CEMIP: variants seen among roughly 807,000 people sequenced by gnomAD.
The protein encoded by CEMIP is cell migration-inducing and hyaluronan-binding protein.
Under a neutral mutation model 156.9 loss-of-function variants are expected in CEMIP, and 105 were observed. The observed-to-expected ratio is 0.67, with a 90% CI of 0.57 to 0.79. CEMIP has a LOEUF of 0.79. CEMIP is among the 30% of genes least tolerant of loss of function. The pLI is 0.00. For missense variants in CEMIP, 1,457 were observed against 1,769.4 expected (o/e 0.82, Z 3.17); for synonymous variants, 676 against 668.4 (o/e 1.01, Z -0.17).
At chr15:80,822,419 A>G (rs1271877282) in intron 1 of CEMIP, among the ~76,000 whole-genome samples, 1 of 152,070 alleles carries the variant, frequency 6.6e-6, no homozygotes, top group Admixed American at 6.6e-5. Flanking sequence ...TTCCAACCCA[A>G]ATCCAGCCTG....
intron 28 of CEMIP, among the ~76,000 whole-genome samples, chr15:80,944,256 G>A (rs927645127): frequency 2.0e-5 from 3 of 152,102 alleles, no homozygotes; most frequent in African/African-American, 7.2e-5. Flanking sequence ...CTCCAGCCTG[G>A]GTGACACAGC....
chr15:80,792,179 C>T (rs1420025231), intron 1 of CEMIP, among the ~76,000 whole-genome samples: 1 of 152,176 alleles, frequency 6.6e-6, no homozygotes, highest in African/African-American at 2.4e-5. Flanking sequence ...TCAACAGAAA[C>T]ACATTAAATT....
intron 18 of CEMIP, 110 bp from the exon 19 acceptor site, chr15:80,925,514 T>C: frequency 6.8e-7 from 1 of 1,462,972 alleles, no homozygotes; most frequent in Non-Finnish European, 9.3e-7. Context: ...GTTCAGTCAA[T>C]GCCTTCCTGG....
chr15:80,805,785 G>A (rs1334546826), intron 1 of CEMIP, among the ~76,000 whole-genome samples: 1 of 152,158 alleles, frequency 6.6e-6, no homozygotes, highest in Non-Finnish European at 1.5e-5. Context: ...ATCTACCAAT[G>A]TTGGGCTTCA....
At chr15:80,780,251 A>T (rs1222450761) in intron 1 of CEMIP, among the ~76,000 whole-genome samples, 1 of 151,322 alleles carries the variant, frequency 6.6e-6, no homozygotes, top group Non-Finnish European at 1.5e-5. Context: ...TTAGACTGAG[A>T]CTCCAAACGT....
intron 5 of CEMIP, 60 bp downstream of exon 5, chr15:80,879,914 T>G: frequency 6.2e-7 from 1 of 1,602,608 alleles, no homozygotes; most frequent in Non-Finnish European, 8.5e-7. Flanking sequence ...AGGGAGACTT[T>G]CCAAGACAGA....
rs73497029 is a variant in CEMIP at position 80,801,262 on chromosome 15, C to T, written c.-176+21648C>T. Among the ~76,000 whole-genome samples, 614 of 152,324 alleles carry T rather than the reference C, an allele frequency of 4.0e-3. 3 individuals carry two copies. The highest frequency in any genetic ancestry group is 0.014 in the African/African-American group (584 of 41,566). On this transcript the variant is annotated intron_variant, in intron 1 of 29. Coordinates refer to ENST00000394685, the MANE Select transcript of CEMIP (RefSeq NM_001293298.2). ...GGTCAACCAGCTGGTTCTGCTGATC[C>T]GGACAGGCTTGGCTAATCTCAACTC... is the stretch of plus-strand genomic sequence containing the variant.
chr15:80,949,072 A>G lies in CEMIP; in HGVS notation c.*148A>G, dbSNP rs1901699333. 9.3e-6 allele frequency: 10 copies of G among 1,074,836 alleles called. No individual in the cohort carries two copies. The highest frequency in any genetic ancestry group is 1.3e-5 in the Non-Finnish European group (9 of 709,324). The allele number at this position is 1,074,836 out of a possible 1,614,324, so 66.6% of individuals were successfully genotyped here. On this transcript the variant is annotated 3_prime_UTR_variant, in exon 30 of 30. Coordinates refer to ENST00000394685, the MANE Select transcript of CEMIP (RefSeq NM_001293298.2). ...AGCCCTGATGGGCCAAGGGAAGGCT[A>G]TCAGAGACCCTGGTGCTGCCACCTG... is the stretch of plus-strand genomic sequence containing the variant.
chr15:80,855,881 T>C (rs1897842071), intron 1 of CEMIP, among the ~76,000 whole-genome samples: 1 of 152,242 alleles, frequency 6.6e-6, no homozygotes, highest in Non-Finnish European at 1.5e-5. Flanking sequence ...GCAGTCATAG[T>C]AAGGCAGTTG....
intron 14 of CEMIP, among the ~76,000 whole-genome samples, chr15:80,918,522 C>G (rs115295284): frequency 3.9e-5 from 6 of 152,096 alleles, no homozygotes; most frequent in African/African-American, 1.4e-4. Context: ...TCACACAGTG[C>G]CAGGGTGGTA....
intron 12 of CEMIP, among the ~76,000 whole-genome samples, chr15:80,900,346 C>T (rs959847051): frequency 6.6e-6 from 1 of 152,088 alleles, no homozygotes; most frequent in Admixed American, 6.5e-5. Flanking sequence ...CTCCAGGCCC[C>T]GAGTACCAAG....
chr15:80,824,197 G>A (rs1457633083), intron 1 of CEMIP, among the ~76,000 whole-genome samples: 2 of 152,200 alleles, frequency 1.3e-5, no homozygotes, highest in Non-Finnish European at 2.9e-5. Context: ...ACATCTGCCT[G>A]GAGTTTGAAA....
intron 1 of CEMIP, among the ~76,000 whole-genome samples, chr15:80,831,929 G>C (rs922857092): frequency 2.0e-5 from 3 of 152,232 alleles, no homozygotes; most frequent in African/African-American, 7.2e-5. Flanking sequence ...AGCTGCAGGG[G>C]AAAGGTGGGT....
Position 80,942,958 on chromosome 15 carries a change from A to T in CEMIP, c.3713A>T (p.Lys1238Met). ...CTGGCTCTGTAGGTGGATGGGAAGA[A>T]GTACCCCAGTTCGGAGGATGGCATC... ...DFAYIEVDGKKYPSSEDGIQV... is the reference protein window; with the variant it reads ...DFAYIEVDGKMYPSSEDGIQV... The change falls in exon 28 of 30, where the codon AAG becomes ATG. Residue 1238 changes from lysine (K) to methionine (M), a missense_variant. Transcript: ENST00000394685. 6.2e-7 allele frequency: 1 copy of T among 1,614,204 alleles called. No homozygotes were observed.
chr15:80,807,056 A>G (rs1170551522), intron 1 of CEMIP, among the ~76,000 whole-genome samples: 1 of 152,204 alleles, frequency 6.6e-6, no homozygotes, highest in African/African-American at 2.4e-5. Context: ...AGTGTCAGAA[A>G]CAAAAAGTAT....
chr15:80,877,755 C>G (rs949660715), intron 3 of CEMIP, among the ~76,000 whole-genome samples: 1 of 152,200 alleles, frequency 6.6e-6, no homozygotes, highest in Non-Finnish European at 1.5e-5. Flanking sequence ...GGAGAAGTGC[C>G]TCTGCAATAC....
intron 1 of CEMIP, among the ~76,000 whole-genome samples, chr15:80,863,533 G>A (rs1596141735): frequency 6.6e-6 from 1 of 152,238 alleles, no homozygotes. Context: ...CTATGATGTG[G>A]ATGCAGAGGG....
chr15:80,802,668 A>C (rs1029817356), intron 1 of CEMIP, among the ~76,000 whole-genome samples: 4 of 152,122 alleles, frequency 2.6e-5, no homozygotes, highest in Non-Finnish European at 4.4e-5. Context: ...AAATAAATCT[A>C]TTGGTTGGAT....
chr15:80,815,334 C>T (rs1896766071), intron 1 of CEMIP, among the ~76,000 whole-genome samples: 1 of 152,268 alleles, frequency 6.6e-6, no homozygotes, highest in Admixed American at 6.5e-5. Context: ...GAGCAACGCT[C>T]TGTCCCTATC....
Sources: gnomAD v4.1 joint callset for allele counts (sites outside exome capture counted in the v4.1 genomes callset) on GRCh38, gnomAD v4.1.1 for gene constraint, MANE v1.5 for transcripts, NCBI Gene and HGNC (gene_info 2026-07-23, HGNC 2026-07-21) for gene names.